The following ADAM12 variants were observed in gnomAD, a reference collection of about 807,000 sequenced individuals.
The protein encoded by ADAM12 is disintegrin and metalloproteinase domain-containing protein 12.
In ADAM12, 70 loss-of-function variants were observed where a neutral mutation model predicts 106.4. The ratio of observed to expected loss-of-function variants is 0.66; its 90% CI spans 0.54 to 0.80. ADAM12 has a LOEUF of 0.80. Ranked by LOEUF, ADAM12 falls within the 30% of genes least tolerant of loss-of-function variation. The pLI is 0.00. For synonymous variants in ADAM12, 420 were observed against 433.5 expected (o/e 0.97, Z 0.39); for missense variants, 1,010 against 1,171.9 (o/e 0.86, Z 2.02).
In ADAM12 at chr10:126,064,714, G is replaced by T. The variant is rs937249582; in HGVS notation, c.1609+92C>A. 2.2e-6 allele frequency: 3 copies of T among 1,358,046 alleles called. No individual in the cohort carries two copies. Among genetic ancestry groups the T allele is most frequent in the Admixed American group, 4.2e-5 (2 of 47,434 alleles). The allele number at this position is 1,358,046 out of a possible 1,614,324, so 84.1% of individuals were successfully genotyped here. A position where few individuals can be genotyped will look rare whatever the true frequency, so the allele number is the denominator to read the frequency against. ...TGTGTGGACAGCGCCCGCCAGGAGT[G>T]GGGGCTAACCAAAACAGAGCACATG... On this transcript the variant is annotated intron_variant, in intron 14 of 22. Coordinates refer to ENST00000448723, the MANE Select transcript of ADAM12 (RefSeq NM_001288973.2). The surrounding 1 kb of genome is among the most constrained non-coding windows in gnomAD (Gnocchi z 4.4).
At chr10:126,232,782 G>C (rs756608360) in intron 3 of ADAM12, among the ~76,000 whole-genome samples, 2 of 152,204 alleles carry the variant, frequency 1.3e-5, no homozygotes, top group Non-Finnish European at 2.9e-5. Flanking sequence ...CATGACTGGA[G>C]CCCAGGTGAA....
At chr10:126,183,312 C>T (rs1957346647) in intron 3 of ADAM12, among the ~76,000 whole-genome samples, 1 of 152,196 alleles carries the variant, frequency 6.6e-6, no homozygotes, top group Non-Finnish European at 1.5e-5. Context: ...CCCCAAACCA[C>T]CCCCTCAACC....
chr10:126,285,422 T>C (rs183366749), intron 2 of ADAM12, among the ~76,000 whole-genome samples: 123 of 152,374 alleles, frequency 8.1e-4, no homozygotes, highest in Middle Eastern at 6.8e-3. Flanking sequence ...CCTATTTACC[T>C]GTATGCATGC....
At chr10:126,038,381 C>T (rs779623883) in intron 19 of ADAM12, 32 bp from the exon 20 acceptor site, 30 of 1,491,350 alleles carry the variant, frequency 2.0e-5, no homozygotes, top group East Asian at 2.4e-5. Context: ...GCTGACCAAG[C>T]GTGTTTCCCC....
At chr10:126,217,602 G>T (rs1003326121) in intron 3 of ADAM12, among the ~76,000 whole-genome samples, 2 of 150,636 alleles carry the variant, frequency 1.3e-5, no homozygotes, top group African/African-American at 4.9e-5. Flanking sequence ...CCTGACCTCA[G>T]ATAATCTGCC....
chr10:126,019,392 CT>C (rs34845021), intron 22 of ADAM12, among the ~76,000 whole-genome samples: 52,714 of 152,134 alleles, frequency 0.35, 9,569 homozygotes, highest in South Asian at 0.45. Flanking sequence ...GGTAGCTCCT[CT>C]TTTTCTTTGT....
At chr10:126,192,534 AAAG>A in intron 3 of ADAM12, among the ~76,000 whole-genome samples, 1 of 152,358 alleles carries the variant, frequency 6.6e-6, no homozygotes, top group Non-Finnish European at 1.5e-5. Flanking sequence ...TATTACACAG[AAAG>A]AAGAATAACA....
intron 3 of ADAM12, among the ~76,000 whole-genome samples, chr10:126,242,122 A>G (rs1958538805): frequency 6.6e-6 from 1 of 152,188 alleles, no homozygotes; most frequent in South Asian, 2.1e-4. Flanking sequence ...AATTTTTACA[A>G]TTCTGATAAT....
chr10:126,158,342 C>T (rs1377331504), intron 3 of ADAM12, among the ~76,000 whole-genome samples: 1 of 147,464 alleles, frequency 6.8e-6, no homozygotes, highest in Non-Finnish European at 1.5e-5. Context: ...GGGGAGGATG[C>T]ACAGAGCATG....
chr10:126,299,199 C>T (rs1489962708), intron 2 of ADAM12, among the ~76,000 whole-genome samples: 1 of 152,200 alleles, frequency 6.6e-6, no homozygotes, highest in Non-Finnish European at 1.5e-5. Flanking sequence ...AGCACATATC[C>T]ACTTTCAATG....
chr10:126,131,485 T>C lies in ADAM12; in HGVS notation c.416+4099A>G, dbSNP rs143641685. Among the ~76,000 whole-genome samples, 4 of 152,302 alleles carry C rather than the reference T, an allele frequency of 2.6e-5. No individual in the cohort carries two copies. The East Asian group carries it at 7.7e-4, about 29-fold the overall frequency. ...CCTGCAAATTCATATGTTAGAGCCA[T>C]GGCCCCCATGTGATGGTATCGGGAG... On this transcript the variant is annotated intron_variant, in intron 5 of 22. Coordinates refer to ENST00000448723, the MANE Select transcript of ADAM12 (RefSeq NM_001288973.2).
chr10:126,164,734 T>C (rs1368683726), intron 3 of ADAM12, among the ~76,000 whole-genome samples: 1 of 152,172 alleles, frequency 6.6e-6, no homozygotes, highest in African/African-American at 2.4e-5. Context: ...CTGCATCCTC[T>C]GAAAACACTC....
rs551862680 is a variant in ADAM12 at position 126,354,934 on chromosome 10, G to A, written c.89-24425C>T. On this transcript the variant is annotated intron_variant, in intron 1 of 22. Transcript: ENST00000448723. ...TTTTCACATATTTATATTAAAACTT[G>A]CATTGATCTTGGAATTCATAGTTCA... 3.3e-5 allele frequency among the ~76,000 whole-genome samples: 5 copies of A among 152,116 alleles called. No homozygotes were observed. The East Asian group carries it at 9.7e-4, about 29-fold the overall frequency.
chr10:126,014,347 T>C lies in ADAM12; in HGVS notation c.*2932A>G, dbSNP rs1407529293. On this transcript the variant is annotated 3_prime_UTR_variant, in exon 23 of 23. Coordinates refer to ENST00000448723, the MANE Select transcript of ADAM12 (RefSeq NM_001288973.2). Reference sequence around the variant, plus strand: ...TTTTTTTTTTTTTTTTGAGGATGCATTGATGTATTGATTTGCCTGGGAACA... The same window carrying C: ...TTTTTTTTTTTTTTTTGAGGATGCACTGATGTATTGATTTGCCTGGGAACA... 1 of 128,652 alleles carries C rather than the reference T, an allele frequency of 7.8e-6. No individual in the cohort carries two copies. Among genetic ancestry groups the C allele is most frequent in the Non-Finnish European group, 1.6e-5 (1 of 62,384 alleles). The allele number at this position is 128,652 out of a possible 1,614,324, so 8.0% of individuals were successfully genotyped here.
chr10:126,362,298 G>A (rs181148111), intron 1 of ADAM12, among the ~76,000 whole-genome samples: 180 of 152,150 alleles, frequency 1.2e-3, no homozygotes, highest in Non-Finnish European at 2.1e-3. Context: ...GAATGTTAGC[G>A]AGGATGTGAA....
At chr10:126,187,211 C>T (rs1354933462) in intron 3 of ADAM12, among the ~76,000 whole-genome samples, 1 of 152,064 alleles carries the variant, frequency 6.6e-6, no homozygotes, top group African/African-American at 2.4e-5. Context: ...AATACAGATA[C>T]AATACAGGAC....
intron 1 of ADAM12, among the ~76,000 whole-genome samples, chr10:126,369,356 A>C (rs1470823968): frequency 6.6e-6 from 1 of 152,252 alleles, no homozygotes; most frequent in Admixed American, 6.5e-5. Context: ...CACAGAGCTT[A>C]AATTCTAACC....
intron 11 of ADAM12, chr10:126,090,643 C>T (rs927612846): frequency 3.9e-5 from 6 of 152,142 alleles, no homozygotes; most frequent in Non-Finnish European, 8.8e-5. Context: ...ACACTTAAAG[C>T]CTTGCAGTAA....
rs187861614 is a variant in ADAM12 at position 126,343,275 on chromosome 10, G to A, written c.89-12766C>T. Among the ~76,000 whole-genome samples, 630 of 150,844 alleles carry A rather than the reference G, an allele frequency of 4.2e-3. 4 individuals carry two copies. The highest frequency in any genetic ancestry group is 0.012 in the African/African-American group (476 of 41,050). On this transcript the variant is annotated intron_variant, in intron 1 of 22. Coordinates refer to ENST00000448723, the MANE Select transcript of ADAM12 (RefSeq NM_001288973.2). Reference sequence around the variant, plus strand: ...TTCCCACCTATGAGTGAGAACATGCGGTGTTTGGTTTTTTGTCCTTGCAAT... The same window carrying A: ...TTCCCACCTATGAGTGAGAACATGCAGTGTTTGGTTTTTTGTCCTTGCAAT...
Sources: gnomAD v4.1 joint callset for allele counts (sites outside exome capture counted in the v4.1 genomes callset) on GRCh38, gnomAD v4.1.1 for gene constraint, Gnocchi (gnomAD v3.1) non-coding constraint, MANE v1.5 for transcripts, NCBI Gene and HGNC (gene_info 2026-07-23, HGNC 2026-07-21) for gene names.